The following ATP8B3 variants were observed in gnomAD, a reference collection of about 807,000 sequenced individuals.
The protein encoded by ATP8B3 is ATPase phospholipid transporting 8B3.
A neutral mutation model predicts 140.9 loss-of-function variants in ATP8B3; 141 were observed. The ratio of observed to expected loss-of-function variants is 1.00; its 90% CI spans 0.87 to 1.15. ATP8B3 has a LOEUF of 1.15. ATP8B3 is among the 50% of genes most tolerant of loss of function. The pLI, the probability that ATP8B3 is intolerant of heterozygous loss-of-function variation, is 0.00. For synonymous variants in ATP8B3, 765 were observed against 714.6 expected, an observed-to-expected ratio of 1.07 and a Z score of -1.13; for missense variants, 1,874 against 1,740.6, an observed-to-expected ratio of 1.08 and a Z score of -1.36.
In ATP8B3 at chr19:1,800,169, C is replaced by G. The variant is rs778276219; in HGVS notation, c.1344-14G>C. 3.8e-6 allele frequency: 6 copies of G among 1,562,478 alleles called. No homozygotes were observed. The stretch of plus-strand genomic sequence containing the variant: ...ATGAACTCGGACCTGCAGAGGCACT[C>G]AGGGTCACGGTCAGCCCCGCCTGCT... On this transcript the variant is annotated splice_polypyrimidine_tract_variant and intron_variant, in intron 13 of 28. Coordinates refer to ENST00000310127, the MANE Select transcript of ATP8B3 (RefSeq NM_138813.4). The surrounding 1 kb of genome is among the most constrained non-coding windows in gnomAD (Gnocchi z 4.4).
chr19:1,805,364 C>A lies in ATP8B3; in HGVS notation c.904+10G>T, dbSNP rs778084710. ...TCGAGGGACGTGACTCCCTGCTCAACGCCTCTCACCTTGAAAGGACGCCAT... is the reference window on the plus strand; with the variant it reads ...TCGAGGGACGTGACTCCCTGCTCAAAGCCTCTCACCTTGAAAGGACGCCAT... On this transcript the variant is annotated intron_variant, in intron 10 of 28. Coordinates refer to ENST00000310127, the MANE Select transcript of ATP8B3 (RefSeq NM_138813.4). The surrounding 1 kb of genome is among the most constrained non-coding windows in gnomAD (Gnocchi z 5.2). The A allele has an allele frequency of 2.6e-5, 41 of 1,556,148 alleles. No homozygotes were observed. Among genetic ancestry groups the A allele is most frequent in the Non-Finnish European group, 3.5e-5 (40 of 1,146,846 alleles).
At chr19:1,788,447 C>T (rs954950745) in intron 24 of ATP8B3, among the ~76,000 whole-genome samples, 1 of 152,004 alleles carries the variant, frequency 6.6e-6, no homozygotes, top group Admixed American at 6.6e-5. Flanking sequence ...GTCAGGAGTT[C>T]GAGACCAGCC....
chr19:1,784,659 G>A lies in ATP8B3; in HGVS notation c.3660+160C>T, dbSNP rs923930517. ...GGGAAATCGGGCCCCGGGGGCACTGGGCGTGTGTCCGGGGCTCCGCACCCA... is the reference window on the plus strand; with the variant it reads ...GGGAAATCGGGCCCCGGGGGCACTGAGCGTGTGTCCGGGGCTCCGCACCCA... On this transcript the variant is annotated intron_variant, in intron 28 of 28. Coordinates refer to ENST00000310127, the MANE Select transcript of ATP8B3 (RefSeq NM_138813.4). Among the ~76,000 whole-genome samples, 12 of 152,196 alleles carry A rather than the reference G, an allele frequency of 7.9e-5. 1 individual carries two copies. The highest frequency in any genetic ancestry group is 5.9e-5 in the Non-Finnish European group (4 of 68,028).
rs746980976 is a variant in ATP8B3, at chr19:1,783,070, T to C, written c.3861A>G (p.Pro1287=). 1 of 1,612,760 alleles carries C rather than the reference T, an allele frequency of 6.2e-7. No individual in the cohort carries two copies. Among genetic ancestry groups the C allele is most frequent in the East Asian group, 2.2e-5 (1 of 44,862 alleles). ...SSDIASESLD[P]SDEEAASSPK... Reference sequence around the variant, plus strand: ...GGCTCGAAGCTGCCTCTTCATCAGATGGGTCTAGGGATTCAGATGCTATGT... The same window carrying C: ...GGCTCGAAGCTGCCTCTTCATCAGACGGGTCTAGGGATTCAGATGCTATGT... The change falls in exon 29 of 29, where the codon CCA becomes CCG. Residue 1287 remains proline, a synonymous_variant. Transcript: ENST00000310127.
Position 1,800,225 on chromosome 19 carries a change from G to GT in ATP8B3, c.1343+33dup, listed in dbSNP as rs748162708. The GT allele has an allele frequency of 6.2e-7, 1 of 1,605,172 alleles. No individual in the cohort carries two copies. The highest frequency in any genetic ancestry group is 1.1e-5 in the South Asian group (1 of 90,652). The stretch of plus-strand genomic sequence containing the variant: ...CCATCCCCATGCCTCCCCGTTCCGC[G>GT]TTTGCACCGGGGACGCAGCCGGCGG... On this transcript the variant is annotated intron_variant, in intron 13 of 28. Transcript: ENST00000310127. This position sits in a 1 kb window ranked among gnomAD's most constrained non-coding sequence, Gnocchi z 4.4.
chr19:1,796,988 T>C lies in ATP8B3; in HGVS notation c.1570A>G (p.Thr524Ala), dbSNP rs1406136628. 6.2e-7 allele frequency: 1 copy of C among 1,612,884 alleles called. No homozygotes were observed. The highest frequency in any genetic ancestry group is 1.1e-5 in the South Asian group (1 of 91,092). The part of the protein sequence containing the change: ...GRVYGPDSEA[T>A]TRPKENPYLW... Reference sequence around the variant, plus strand: ...GGCAGGCTCACCTTAGGTCGGGTCGTGGCCTCTGAATCCGGCCCTGGGGAA... The same window carrying C: ...GGCAGGCTCACCTTAGGTCGGGTCGCGGCCTCTGAATCCGGCCCTGGGGAA... The change falls in exon 15 of 29, where the codon ACG becomes GCG. Residue 524 changes from threonine to alanine, a missense_variant. Around this residue, in one of 3 missense-constraint regions of ATP8B3, gnomAD observed 1,032 missense variants for 963.6 expected, o/e 1.07. Coordinates refer to ENST00000310127, the MANE Select transcript of ATP8B3 (RefSeq NM_138813.4).
At chr19:1,785,118 T>G (rs1268844565) in intron 27 of ATP8B3, 41 bp downstream of exon 27, 1 of 1,509,388 alleles carries the variant, frequency 6.6e-7, no homozygotes, top group African/African-American at 1.4e-5. Context: ...GGGGCTCCCC[T>G]GCACCACGAC....
Position 1,806,044 on chromosome 19 carries a change from C to T in ATP8B3, c.750+53G>A. 6.2e-7 allele frequency: 1 copy of T among 1,605,708 alleles called. No individual in the cohort carries two copies. Among genetic ancestry groups the T allele is most frequent in the South Asian group, 1.1e-5 (1 of 90,278 alleles). On this transcript the variant is annotated intron_variant, in intron 8 of 28. Transcript: ENST00000310127. This position sits in a 1 kb window ranked among gnomAD's most constrained non-coding sequence, Gnocchi z 5.6. Reference sequence around the variant, plus strand: ...AGCCCTCCCCACCCTGGGAGGGGTGCTCTCGGTGAGGGGGCGCGTGGTTCT... The same window carrying T: ...AGCCCTCCCCACCCTGGGAGGGGTGTTCTCGGTGAGGGGGCGCGTGGTTCT...
At chr19:1,795,673 G>T (rs958685075) in intron 18 of ATP8B3, among the ~76,000 whole-genome samples, 1 of 151,792 alleles carries the variant, frequency 6.6e-6, no homozygotes, top group Non-Finnish European at 1.5e-5. Flanking sequence ...GCCGGGGGAG[G>T]GTGTTTTGTA....
intron 10 of ATP8B3, among the ~76,000 whole-genome samples, 196 bp from the exon 11 acceptor site, chr19:1,802,841 G>A (rs1177254990): frequency 6.6e-6 from 1 of 152,176 alleles, no homozygotes; most frequent in Non-Finnish European, 1.5e-5. Context: ...CTTTGGGCAG[G>A]CTGTTCCTTC....
At chr19:1,799,797 A>G in intron 14 of ATP8B3, 150 bp downstream of exon 14, 1 of 834,088 alleles carries the variant, frequency 1.2e-6, no homozygotes, top group Non-Finnish European at 1.9e-6. Flanking sequence ...GGCCCCCTCC[A>G]AAGGAAACCA....
chr19:1,806,598 G>A lies in ATP8B3; in HGVS notation c.677+30C>T, dbSNP rs201255392. On this transcript the variant is annotated intron_variant, in intron 7 of 28. Transcript: ENST00000310127. This position sits in a 1 kb window ranked among gnomAD's most constrained non-coding sequence, Gnocchi z 5.6. ...GCTGGGCTGGAGCCCCCGTGTCCCC[G>A]CGGATCCCCAGCTGCAGCCCCAGCC... 913 of 1,551,388 alleles carry A rather than the reference G, an allele frequency of 5.9e-4. 5 individuals are homozygous for A. In the African/African-American group the frequency reaches 0.01, roughly 17 times the overall value.
In ATP8B3 at chr19:1,789,680, C is replaced by T. The variant is rs57242471; in HGVS notation, c.2526G>A (p.Gln842=). The change falls in exon 23 of 29, where the codon CAG becomes CAA. Residue 842 remains glutamine (Q), a synonymous_variant. Transcript: ENST00000310127. ...SLRKEPRALA[Q]NVNMDEAWQE... ...GCCACGCCTCGTCCATGTTCACGTT[C>T]TGCGCCAGGGCGCGCGGCTCCTTCC... The T allele has an allele frequency of 5.8e-5, 93 of 1,598,400 alleles. No homozygotes were observed. In the South Asian group the frequency reaches 9.9e-4, roughly 17 times the overall value.
intron 24 of ATP8B3, among the ~76,000 whole-genome samples, chr19:1,787,812 G>A (rs1881118163): frequency 6.7e-6 from 1 of 149,592 alleles, no homozygotes; most frequent in African/African-American, 2.5e-5. Context: ...GGGAGGCTGA[G>A]ATGGGCAGAT....
At position 1,802,706 on chromosome 19, in the gene ATP8B3, G is replaced by C. The variant is rs545374657; in HGVS notation, c.905-61C>G. ...TCAGGCCCTCCTCCCCAGGTTCCCT[G>C]CACCGGGTGCAGGTGAGAACATTCC... On this transcript the variant is annotated intron_variant, in intron 10 of 28. Transcript: ENST00000310127. 2.5e-5 allele frequency: 39 copies of C among 1,545,738 alleles called. No individual in the cohort carries two copies. In the African/African-American group the frequency reaches 4.2e-4, roughly 17 times the overall value.
At chr19:1,784,690 C>T (rs2068246590) in intron 28 of ATP8B3, 129 bp downstream of exon 28, 1 of 1,292,024 alleles carries the variant, frequency 7.7e-7, no homozygotes, top group Non-Finnish European at 1.0e-6. Flanking sequence ...ACCCACCCTT[C>T]CCCCAAGCCT....
Position 1,785,666 on chromosome 19 carries a change from C to T in ATP8B3, c.3196G>A (p.Val1066Met), listed in dbSNP as rs1388350716. 5.6e-6 allele frequency: 9 copies of T among 1,612,626 alleles called. No homozygotes were observed. Among genetic ancestry groups the T allele is most frequent in the South Asian group, 3.3e-5 (3 of 90,960 alleles). ...EQSLEKPELYVVGQKDELFNY... is the reference protein window; with the variant it reads ...EQSLEKPELYMVGQKDELFNY... ...AAGAGCTCGTCCTTCTGCCCCACCA[C>T]GTACAGCTCCGGCTTCTCCAGGCTC... The change falls in exon 26 of 29, where the codon GTG (valine) becomes ATG (methionine). Residue 1066 changes from valine to methionine, a missense_variant. Val to Met is a conservative substitution (Grantham distance 21). This residue lies in a region of ATP8B3 where 840 missense variants were observed against 760.9 expected (regional missense o/e 1.10). Coordinates refer to ENST00000310127, the MANE Select transcript of ATP8B3 (RefSeq NM_138813.4).
At chr19:1,796,315 A>G (rs2068673555) in intron 16 of ATP8B3, 50 bp from the exon 17 acceptor site, 1 of 1,488,924 alleles carries the variant, frequency 6.7e-7, no homozygotes, top group South Asian at 1.2e-5. Flanking sequence ...GCCCGTCTCC[A>G]TCTCCACAGT....
chr19:1,810,478 G>A (rs1338928634), intron 3 of ATP8B3, 144 bp downstream of exon 3: 2 of 695,722 alleles, frequency 2.9e-6, no homozygotes, highest in East Asian at 3.2e-5. Flanking sequence ...TGTTGCCCAG[G>A]CTCTCGAACC....
Sources: gnomAD v4.1 joint callset for allele counts (sites outside exome capture counted in the v4.1 genomes callset) on GRCh38, gnomAD v4.1.1 for gene constraint, gnomAD v4.1.1 regional missense constraint, Gnocchi (gnomAD v3.1) non-coding constraint, MANE v1.5 for transcripts, NCBI Gene and HGNC (gene_info 2026-07-23, HGNC 2026-07-21) for gene names.